The following RAD54B variants were observed in gnomAD, a reference collection of about 807,000 sequenced individuals.
RAD54B encodes the protein DNA repair and recombination protein RAD54B.
RAD54B carries 78 observed loss-of-function variants against 95.8 expected under a neutral mutation model. That is an observed-to-expected ratio of 0.81 (90% CI 0.68 to 0.98). The LOEUF is 0.98. Among genes scored for constraint, RAD54B ranks in the 50% least tolerant of loss-of-function variants. The pLI is 0.00. For missense variants in RAD54B, 957 were observed against 1,056.6 expected (o/e 0.91, Z 1.31); for synonymous variants, 328 against 354.9 (o/e 0.92, Z 0.85).
At chr8:94,391,927 A>T in intron 9 of RAD54B, 28 bp from the exon 10 acceptor site, 2 of 1,562,070 alleles carry the variant, frequency 1.3e-6, no homozygotes, top group Non-Finnish European at 1.7e-6. Flanking sequence ...ACTTAAATGA[A>T]AGTGTTATAG....
intron 11 of RAD54B, among the ~76,000 whole-genome samples, chr8:94,382,014 TGAAGCAGGA>T (rs1810754207): frequency 6.7e-6 from 1 of 149,724 alleles, no homozygotes; most frequent in Non-Finnish European, 1.5e-5. Flanking sequence ...CTCCGGAGGC[TGAAGCAGGA>T]GAATGGCGTG....
intron 3 of RAD54B, among the ~76,000 whole-genome samples, chr8:94,434,339 T>C (rs3019278): frequency 0.25 from 37,880 of 151,118 alleles, 5,668 homozygotes; most frequent in East Asian, 0.43. Flanking sequence ...CATAACAATA[T>C]AAAAAGGGAG....
intron 11 of RAD54B, among the ~76,000 whole-genome samples, chr8:94,385,073 G>T (rs567364516): frequency 2.0e-5 from 3 of 151,974 alleles, no homozygotes; most frequent in East Asian, 1.9e-4. Context: ...ACTGCACTCC[G>T]GCCTGTGCCC....
chr8:94,429,536 T>G (rs1472484452), intron 3 of RAD54B: 1 of 984,408 alleles, frequency 1.0e-6, no homozygotes, highest in Non-Finnish European at 1.2e-6. Context: ...ATGCTGAAAC[T>G]GTAAAGTGAA....
At chr8:94,470,508 T>A (rs1813143185) in intron 1 of RAD54B, among the ~76,000 whole-genome samples, 1 of 151,896 alleles carries the variant, frequency 6.6e-6, no homozygotes. Context: ...GGCAGGAGAA[T>A]CACTTGAACC....
chr8:94,400,558 C>A, intron 6 of RAD54B, 95 bp from the exon 7 acceptor site: 1 of 1,008,402 alleles, frequency 9.9e-7, no homozygotes, highest in African/African-American at 1.6e-5. Context: ...TTTGTAATGA[C>A]ACTGAAGACT....
intron 3 of RAD54B, chr8:94,428,371 TCCAAGGGG>T: frequency 4.2e-6 from 4 of 962,274 alleles, no homozygotes; most frequent in Non-Finnish European, 4.9e-6. Flanking sequence ...TCCCTCAGTA[TCCAAGGGG>T]GATTGGTTTC....
intron 3 of RAD54B, among the ~76,000 whole-genome samples, chr8:94,446,447 A>G (rs1349271650): frequency 6.6e-6 from 1 of 152,212 alleles, no homozygotes; most frequent in Non-Finnish European, 1.5e-5. Flanking sequence ...GAAAATATAT[A>G]AAGCAAGGGA....
At chr8:94,423,619 T>A (rs756931437) in intron 3 of RAD54B, among the ~76,000 whole-genome samples, 3 of 152,202 alleles carry the variant, frequency 2.0e-5, no homozygotes, top group Non-Finnish European at 4.4e-5. Context: ...TCAAGAAAAC[T>A]TAACCAGTTT....
intron 9 of RAD54B, among the ~76,000 whole-genome samples, chr8:94,392,337 C>G (rs1003623017): frequency 3.9e-5 from 6 of 152,178 alleles, no homozygotes; most frequent in African/African-American, 1.4e-4. Context: ...TCTCGGCTCA[C>G]TGCAACCTCC....
intron 3 of RAD54B, among the ~76,000 whole-genome samples, chr8:94,452,319 G>A (rs1812674977): frequency 6.6e-6 from 1 of 152,124 alleles, no homozygotes; most frequent in Non-Finnish European, 1.5e-5. Context: ...TTTGACTGTT[G>A]TACTTCTGTA....
At chr8:94,421,797 A>C (rs1398562690) in intron 3 of RAD54B, among the ~76,000 whole-genome samples, 2 of 152,090 alleles carry the variant, frequency 1.3e-5, no homozygotes, top group African/African-American at 4.8e-5. Context: ...TTTTCAACTC[A>C]TCTCTGATCT....
In RAD54B at chr8:94,391,772, CA is replaced by C. The variant is rs1322726916; in HGVS notation, c.1645del (p.Cys549AlafsTer15). ...LPPKIENVVF[C>X]RPGALQIELY... is the part of the protein sequence containing the mutation. ...CTCAATCTGTAGTGCTCCTGGTCGG[CA>C]AAAGACAACATTCTCTATTTTAGGT... On this transcript the variant is annotated frameshift_variant, in exon 10 of 15. Coordinates refer to ENST00000336148, the MANE Select transcript of RAD54B (RefSeq NM_012415.3). LOFTEE classifies it high-confidence loss of function. 3.1e-6 allele frequency: 5 copies of C among 1,614,028 alleles called. No individual in the cohort carries two copies. Among genetic ancestry groups the C allele is most frequent in the Non-Finnish European group, 4.2e-6 (5 of 1,180,002 alleles).
chr8:94,413,894 G>A (rs897293553), intron 3 of RAD54B, among the ~76,000 whole-genome samples: 6 of 150,078 alleles, frequency 4.0e-5, no homozygotes, highest in Non-Finnish European at 7.4e-5. Flanking sequence ...GGAATGCAGT[G>A]GTGTGATCTC....
chr8:94,410,388 C>A (rs556376375), intron 4 of RAD54B, among the ~76,000 whole-genome samples: 1 of 152,216 alleles, frequency 6.6e-6, no homozygotes, highest in South Asian at 2.1e-4. Context: ...TTGCTTTGTT[C>A]CCACTAAATT....
chr8:94,411,810 A>G (rs1811536466), intron 3 of RAD54B, among the ~76,000 whole-genome samples: 1 of 152,104 alleles, frequency 6.6e-6, no homozygotes, highest in Non-Finnish European at 1.5e-5. Flanking sequence ...CTGTTTTGAT[A>G]TATGTATACA....
intron 1 of RAD54B, among the ~76,000 whole-genome samples, 196 bp from the exon 2 acceptor site, chr8:94,467,751 A>G (rs1412294031): frequency 1.3e-5 from 2 of 152,204 alleles, no homozygotes; most frequent in Admixed American, 6.5e-5. Flanking sequence ...TAGCCCTGAA[A>G]AGTACATGAG....
Position 94,393,786 on chromosome 8 carries a change from T to C in RAD54B, c.1475A>G (p.Tyr492Cys), listed in dbSNP as rs1025411461. The change falls in exon 9 of 15, where the codon TAT (tyrosine) becomes TGT (cysteine). Residue 492 changes from tyrosine (Y) to cysteine (C), a missense_variant. Transcript: ENST00000336148. ...LGSLSSYRKIYEEPIILSREP... is the reference protein window; with the variant it reads ...LGSLSSYRKICEEPIILSREP... Reference sequence around the variant, plus strand: ...TCTCGATAAAATGATGGGTTCTTCATATATTTTCCTATAAGATGACAAAGA... The same window carrying C: ...TCTCGATAAAATGATGGGTTCTTCACATATTTTCCTATAAGATGACAAAGA... 2.5e-6 allele frequency: 4 copies of C among 1,584,108 alleles called. No individual in the cohort carries two copies. The South Asian group carries it at 3.3e-5, about 13-fold the overall frequency.
chr8:94,420,971 C>T (rs1239313232), intron 3 of RAD54B, among the ~76,000 whole-genome samples: 4 of 147,794 alleles, frequency 2.7e-5, no homozygotes, highest in Admixed American at 1.4e-4. Context: ...GGCAATCAAG[C>T]GAGACTCAGT....
Sources: gnomAD v4.1 joint callset for allele counts (sites outside exome capture counted in the v4.1 genomes callset) on GRCh38, gnomAD v4.1.1 for gene constraint, MANE v1.5 for transcripts, NCBI Gene and HGNC (gene_info 2026-07-23, HGNC 2026-07-21) for gene names.